DGKH: variants seen among roughly 807,000 people sequenced by gnomAD.
DGKH encodes DAG kinase eta.
In DGKH, 90 loss-of-function variants were observed where a neutral mutation model predicts 159.3. The ratio of observed to expected loss-of-function variants is 0.57; its 90% CI spans 0.48 to 0.67. DGKH has a LOEUF of 0.67. DGKH is among the 30% of genes least tolerant of loss of function. The pLI is 0.00. For synonymous variants in DGKH, 536 were observed against 553.8 expected (o/e 0.97, Z 0.45); for missense variants, 1,181 against 1,506.1 (o/e 0.78, Z 3.57).
intron 1 of DGKH, among the ~76,000 whole-genome samples, chr13:42,103,082 C>T (rs918933925): frequency 1.3e-5 from 2 of 152,122 alleles, no homozygotes; most frequent in Non-Finnish European, 2.9e-5. Flanking sequence ...TTTTTGCCTC[C>T]CTTTCCAGAA....
At chr13:42,214,655 G>A (rs774550708) in intron 25 of DGKH, 43 bp downstream of exon 25, 21 of 1,591,900 alleles carry the variant, frequency 1.3e-5, no homozygotes, top group Non-Finnish European at 1.7e-5. Flanking sequence ...GATTCTTTTG[G>A]GTGTTACACA....
chr13:42,114,039 T>C (rs1954919584), intron 1 of DGKH, among the ~76,000 whole-genome samples: 1 of 152,154 alleles, frequency 6.6e-6, no homozygotes, highest in Admixed American at 6.5e-5. Context: ...AGTAGTTCAT[T>C]TACACATTTT....
At chr13:42,150,688 A>C (rs965429020) in intron 3 of DGKH, among the ~76,000 whole-genome samples, 1 of 152,204 alleles carries the variant, frequency 6.6e-6, no homozygotes, top group African/African-American at 2.4e-5. Context: ...TGAAATTACG[A>C]ATATAAGAGA....
At position 42,199,661 on chromosome 13, in the gene DGKH, A is replaced by G; in HGVS notation, c.2381A>G (p.His794Arg). 1 of 1,592,536 alleles carries G rather than the reference A, an allele frequency of 6.3e-7. No individual in the cohort carries two copies. Among genetic ancestry groups the G allele is most frequent in the Non-Finnish European group, 8.5e-7 (1 of 1,173,352 alleles). Residue 794 changes from histidine to arginine, a missense_variant, in exon 19 of 30, where the codon CAC becomes CGC. His to Arg is a conservative substitution (Grantham distance 29). This residue lies in a region of DGKH where 335 missense variants were observed against 495.2 expected (regional missense o/e 0.68). Coordinates refer to ENST00000337343, the MANE Select transcript of DGKH (RefSeq NM_178009.5). Reference protein sequence around the residue: ...SLEFNNKREEHPEKCRSRTKN... With the variant: ...SLEFNNKREERPEKCRSRTKN... Reference sequence around the variant, plus strand: ...GAATTTAATAATAAAAGAGAGGAGCACCCTGAAAAATGCAGGTAATTTTAG... The same window carrying G: ...GAATTTAATAATAAAAGAGAGGAGCGCCCTGAAAAATGCAGGTAATTTTAG...
At chr13:42,190,577 C>A in intron 16 of DGKH, 52 bp downstream of exon 16, 2 of 1,528,580 alleles carry the variant, frequency 1.3e-6, no homozygotes, top group Non-Finnish European at 1.8e-6. Flanking sequence ...TGTCATTTTG[C>A]TTTTAGTTTT....
Position 42,235,188 on chromosome 13 carries a change from A to G in DGKH, c.*6000A>G, listed in dbSNP as rs1481234772. On this transcript the variant is annotated 3_prime_UTR_variant, in exon 30 of 30. Transcript: ENST00000337343. ...CATGATAAACTCCATATTACATAAT[A>G]TAGGTGAACAGATTAATTCCCTCCA... The G allele has an allele frequency of 2.0e-5, 3 of 152,216 alleles. No homozygotes were observed. The highest frequency in any genetic ancestry group is 7.2e-5 in the African/African-American group (3 of 41,464). The allele number at this position is 152,216 out of a possible 1,614,324, so 9.4% of individuals were successfully genotyped here. A position where few individuals can be genotyped will look rare whatever the true frequency, so the allele number is the denominator to read the frequency against.
chr13:42,155,151 A>G, intron 3 of DGKH, 140 bp from the exon 4 acceptor site: 1 of 678,442 alleles, frequency 1.5e-6, no homozygotes, highest in South Asian at 2.5e-5. Flanking sequence ...CCTAGACCAC[A>G]TTATTTTATC....
intron 1 of DGKH, among the ~76,000 whole-genome samples, chr13:42,102,263 G>T (rs1348133316): frequency 6.6e-6 from 1 of 152,246 alleles, no homozygotes; most frequent in Non-Finnish European, 1.5e-5. Flanking sequence ...ACACCTGCTG[G>T]AGCTACACCT....
intron 3 of DGKH, among the ~76,000 whole-genome samples, chr13:42,139,484 G>T (rs1015012719): frequency 1.3e-5 from 2 of 152,166 alleles, no homozygotes; most frequent in African/African-American, 2.4e-5. Context: ...TTCAGTCAGG[G>T]TGTCATGATC....
chr13:42,202,451 T>C (rs1318890654), intron 20 of DGKH, among the ~76,000 whole-genome samples: 2 of 152,188 alleles, frequency 1.3e-5, no homozygotes, highest in African/African-American at 4.8e-5. Flanking sequence ...CTCCCCGTTA[T>C]GTTGTTGGTA....
At chr13:42,070,146 G>C (rs1020521530) in intron 1 of DGKH, 30 of 913,800 alleles carry the variant, frequency 3.3e-5, no homozygotes, top group Admixed American at 1.9e-4. Flanking sequence ...ATATGCTCAT[G>C]TAAGGATGGG....
chr13:42,221,298 G>T lies in DGKH; in HGVS notation c.3477G>T (p.Trp1159Cys). The stretch of plus-strand genomic sequence containing the variant: ...GGGGCACAGAGGAAGTTGCTGCTTG[G>T]CTGGATCTGCTCAATTTGGGAGAGT... ...QKWGTEEVAA[W>C]LDLLNLGEYK... The change falls in exon 29 of 30, where the codon TGG (tryptophan) becomes TGT (cysteine). Residue 1159 changes from tryptophan to cysteine, a missense_variant. By Grantham distance (215) the Trp-to-Cys change is radical. This residue lies in a region of DGKH where 84 missense variants were observed against 77.9 expected (regional missense o/e 1.08). Coordinates refer to ENST00000337343, the MANE Select transcript of DGKH (RefSeq NM_178009.5). The T allele has an allele frequency of 1.2e-6, 2 of 1,613,678 alleles. No homozygotes were observed. Among genetic ancestry groups the T allele is most frequent in the Non-Finnish European group, 1.7e-6 (2 of 1,179,668 alleles).
intron 1 of DGKH, among the ~76,000 whole-genome samples, chr13:42,078,959 A>G (rs1954149669): frequency 8.3e-6 from 1 of 120,014 alleles, no homozygotes; most frequent in Non-Finnish European, 1.6e-5. Flanking sequence ...TCTGTTGCCC[A>G]GAGTGCAGTG....
Position 42,129,667 on chromosome 13 carries a change from G to T in DGKH, c.384+35G>T, listed in dbSNP as rs774998218. 3 of 1,574,210 alleles carry T rather than the reference G, an allele frequency of 1.9e-6. No individual in the cohort carries two copies. The South Asian group carries it at 3.4e-5, about 18-fold the overall frequency. ...TATTCTGCTAACTCCCTTCTCAAAAGTTATAGAATGACCTTTCTTAAGCGT... is the reference window on the plus strand; with the variant it reads ...TATTCTGCTAACTCCCTTCTCAAAATTTATAGAATGACCTTTCTTAAGCGT... On this transcript the variant is annotated intron_variant, in intron 3 of 29. Coordinates refer to ENST00000337343, the MANE Select transcript of DGKH (RefSeq NM_178009.5).
intron 1 of DGKH, 42 bp from the exon 2 acceptor site, chr13:42,127,421 A>T (rs1214621669): frequency 5.5e-6 from 8 of 1,457,570 alleles, no homozygotes; most frequent in Non-Finnish European, 7.7e-6. Context: ...TTGGTTTTGA[A>T]TTTCATTTTA....
intron 1 of DGKH, among the ~76,000 whole-genome samples, chr13:42,052,064 C>A (rs1387384591): frequency 6.6e-6 from 1 of 152,162 alleles, no homozygotes; most frequent in Non-Finnish European, 1.5e-5. Context: ...ATGGTTCAAT[C>A]TAATATGTCA....
chr13:42,145,941 G>T (rs775247650), intron 3 of DGKH, among the ~76,000 whole-genome samples: 2 of 152,036 alleles, frequency 1.3e-5, no homozygotes, highest in Non-Finnish European at 2.9e-5. Flanking sequence ...TGGCCTTTGT[G>T]GTCTGGTTTC....
chr13:42,060,666 G>A (rs563906587), intron 1 of DGKH, among the ~76,000 whole-genome samples: 1 of 152,264 alleles, frequency 6.6e-6, no homozygotes, highest in Non-Finnish European at 1.5e-5. Flanking sequence ...TTAGGTGCTG[G>A]TGATTTAGAA....
At chr13:42,091,490 A>T (rs552269351) in intron 1 of DGKH, among the ~76,000 whole-genome samples, 1 of 152,204 alleles carries the variant, frequency 6.6e-6, no homozygotes, top group South Asian at 2.1e-4. Context: ...AATTAAAAAA[A>T]TGGGCAAAGG....
Sources: gnomAD v4.1 joint callset for allele counts (sites outside exome capture counted in the v4.1 genomes callset) on GRCh38, gnomAD v4.1.1 for gene constraint, gnomAD v4.1.1 regional missense constraint, MANE v1.5 for transcripts, NCBI Gene and HGNC (gene_info 2026-07-23, HGNC 2026-07-21) for gene names.